The following SLC22A15 variants were observed in gnomAD, a reference collection of about 807,000 sequenced individuals.
The protein encoded by SLC22A15 is solute carrier family 22 member 15.
Under a neutral mutation model 62.7 loss-of-function variants are expected in SLC22A15, and 45 were observed. That is an observed-to-expected ratio of 0.72 (90% CI 0.56 to 0.92). SLC22A15 has a LOEUF of 0.92. Ranked by LOEUF, SLC22A15 falls within the 40% of genes least tolerant of loss-of-function variation. SLC22A15 has a pLI of 0.00. For synonymous variants in SLC22A15, 264 were observed against 267.0 expected, an observed-to-expected ratio of 0.99 and a Z score of 0.11; for missense variants, 622 against 665.6, an observed-to-expected ratio of 0.93 and a Z score of 0.72.
chr1:115,988,339 T>C (rs1557871668), intron 1 of SLC22A15, among the ~76,000 whole-genome samples: 1 of 152,066 alleles, frequency 6.6e-6, no homozygotes, highest in Non-Finnish European at 1.5e-5. Context: ...AGCGAATATT[T>C]TTGTTTTTTG....
At chr1:115,991,147 A>C (rs1655123884) in intron 1 of SLC22A15, among the ~76,000 whole-genome samples, 1 of 152,216 alleles carries the variant, frequency 6.6e-6, no homozygotes, top group Non-Finnish European at 1.5e-5. Flanking sequence ...AATAAATGTT[A>C]AACTTGAAAT....
rs149310554 is a variant in SLC22A15 at position 116,064,364 on chromosome 1, G to A, written c.1293-72G>A. On this transcript the variant is annotated intron_variant, in intron 9 of 11. Transcript: ENST00000369503. ...CTTCAGGACATGTTATTCAAGGCCC[G>A]CTGCTGCCCCCCAAGGGTCTCTTAA... 302 of 1,113,848 alleles carry A rather than the reference G, an allele frequency of 2.7e-4. 3 individuals are homozygous for A. In the African/African-American group the frequency reaches 3.6e-3, roughly 13 times the overall value. The allele number at this position is 1,113,848 out of a possible 1,614,324, so 69.0% of individuals were successfully genotyped here.
At chr1:115,989,673 C>T (rs944122624) in intron 1 of SLC22A15, among the ~76,000 whole-genome samples, 23 of 151,448 alleles carry the variant, frequency 1.5e-4, no homozygotes, top group Admixed American at 2.6e-4. Context: ...CCCAGCTACT[C>T]GGGAGGCCGA....
chr1:116,041,944 G>T (rs1657798847), intron 8 of SLC22A15, among the ~76,000 whole-genome samples: 1 of 149,868 alleles, frequency 6.7e-6, no homozygotes, highest in South Asian at 2.1e-4. Context: ...ACCCTGGTTT[G>T]TTTGTTTGTT....
At chr1:116,051,339 C>T (rs1038818299) in intron 8 of SLC22A15, among the ~76,000 whole-genome samples, 1 of 152,172 alleles carries the variant, frequency 6.6e-6, no homozygotes, top group African/African-American at 2.4e-5. Flanking sequence ...GTCACCAAAA[C>T]AGCATGATAG....
At chr1:116,002,205 T>A (rs1655777410) in intron 2 of SLC22A15, among the ~76,000 whole-genome samples, 2 of 152,162 alleles carry the variant, frequency 1.3e-5, no homozygotes, top group African/African-American at 2.4e-5. Context: ...ACAGCATCTC[T>A]CTCCATGCTG....
At position 116,035,320 on chromosome 1, in the gene SLC22A15, C is replaced by T. The variant is rs200269789; in HGVS notation, c.1078C>T (p.Gln360Ter). 39 of 1,610,026 alleles carry T rather than the reference C, an allele frequency of 2.4e-5. No homozygotes were observed. Among genetic ancestry groups the T allele is most frequent in the Non-Finnish European group, 3.0e-5 (35 of 1,178,438 alleles). The change falls in exon 7 of 12, where the codon CAA becomes TAA. Residue 360 changes from glutamine (Q) to a stop codon, truncating the protein, a stop_gained. Transcript: ENST00000369503. LOFTEE classifies it high-confidence loss of function. ...CCCTCTCTGTATCTACTTGATTAAC[C>T]AAAAATGGTGAGTAAGTGTGGATGA... is the stretch of plus-strand genomic sequence containing the variant. ...SYPLCIYLIN[Q>*]KWFGRKRTLS...
chr1:116,043,651 C>T (rs1050995063), intron 8 of SLC22A15, among the ~76,000 whole-genome samples: 5 of 151,906 alleles, frequency 3.3e-5, no homozygotes, highest in South Asian at 2.1e-4. Flanking sequence ...GCAAAAAAAT[C>T]AATGGAATGA....
rs1356131429 is a variant in SLC22A15 at position 116,062,799 on chromosome 1, G to T, written c.1209G>T (p.Leu403Phe). ...GVFAVVNSHS[L>F]SLLGKLTISA... ...TTGCAGTGGTGAACAGCCATTCCTT[G>T]TCCTTGCTGGGGAAGCTGACCATCA... The change falls in exon 9 of 12, where the codon TTG (leucine) becomes TTT (phenylalanine). Residue 403 changes from leucine to phenylalanine, a missense_variant. Leu to Phe is a conservative substitution (Grantham distance 22). Coordinates refer to ENST00000369503, the MANE Select transcript of SLC22A15 (RefSeq NM_018420.3). 6.2e-7 allele frequency: 1 copy of T among 1,613,922 alleles called. No individual in the cohort carries two copies. Among genetic ancestry groups the T allele is most frequent in the East Asian group, 2.2e-5 (1 of 44,870 alleles).
intron 1 of SLC22A15, among the ~76,000 whole-genome samples, chr1:115,990,860 C>T (rs1307967862): frequency 2.0e-5 from 3 of 152,136 alleles, no homozygotes; most frequent in South Asian, 2.1e-4. Flanking sequence ...TGGGTTCAAG[C>T]GATTCTCCTG....
intron 2 of SLC22A15, among the ~76,000 whole-genome samples, chr1:116,011,976 A>G (rs1218769857): frequency 6.6e-6 from 1 of 152,134 alleles, no homozygotes. Flanking sequence ...AGAGTCAGTC[A>G]CCTGCCCTGA....
At chr1:116,000,703 T>C (rs1013776270) in intron 2 of SLC22A15, among the ~76,000 whole-genome samples, 1 of 141,952 alleles carries the variant, frequency 7.0e-6, no homozygotes, top group Non-Finnish European at 1.5e-5. Flanking sequence ...TGATCCCGGC[T>C]CACTGCAAAC....
rs1015577940 is a variant in SLC22A15 at position 116,034,492 on chromosome 1, C to T, written c.945-695C>T. On this transcript the variant is annotated intron_variant, in intron 6 of 11. Transcript: ENST00000369503. ...AGGAGCTCCCTGTTTGTTTCAGGAACGGTGTACATAAATAAATTAATGGCT... is the reference window on the plus strand; with the variant it reads ...AGGAGCTCCCTGTTTGTTTCAGGAATGGTGTACATAAATAAATTAATGGCT... Among the ~76,000 whole-genome samples, 8 of 152,272 alleles carry T rather than the reference C, an allele frequency of 5.3e-5. No individual in the cohort carries two copies. In the South Asian group the frequency reaches 6.2e-4, roughly 12 times the overall value.
rs1014780295 is a variant in SLC22A15 at position 116,040,563 on chromosome 1, C to G, written c.1171+3175C>G. Among the ~76,000 whole-genome samples, 30 of 152,196 alleles carry G rather than the reference C, an allele frequency of 2.0e-4. 1 individual carries two copies. Among genetic ancestry groups the G allele is most frequent in the Admixed American group, 2.0e-3 (30 of 15,270 alleles). On this transcript the variant is annotated intron_variant, in intron 8 of 11. Transcript: ENST00000369503. ...TCCGGGATTCAGATTCTTTCCAACT[C>G]TAAAGTCAGTCCTCTTTTGGGTATG...
At chr1:116,035,365 G>T in intron 7 of SLC22A15, 38 bp downstream of exon 7, 5 of 1,572,936 alleles carry the variant, frequency 3.2e-6, no homozygotes, top group Non-Finnish European at 4.3e-6. Flanking sequence ...GCACCGTAGA[G>T]AATGCACACA....
intron 8 of SLC22A15, among the ~76,000 whole-genome samples, chr1:116,039,460 G>A (rs1657726887): frequency 6.6e-6 from 1 of 152,096 alleles, no homozygotes; most frequent in African/African-American, 2.4e-5. Context: ...TTGAACCCAG[G>A]AGCTGGAGGT....
chr1:115,986,211 T>C (rs1307702647), intron 1 of SLC22A15, among the ~76,000 whole-genome samples: 2 of 152,100 alleles, frequency 1.3e-5, no homozygotes, highest in African/African-American at 2.4e-5. Flanking sequence ...ATCTTTTTTT[T>C]TGGTTATACC....
intron 9 of SLC22A15, among the ~76,000 whole-genome samples, 187 bp downstream of exon 9, chr1:116,063,069 T>A (rs1186223756): frequency 1.3e-5 from 2 of 152,214 alleles, no homozygotes; most frequent in Non-Finnish European, 2.9e-5. Flanking sequence ...GCTAGGAAAA[T>A]GTCACTTTAT....
At chr1:116,031,974 G>T in intron 6 of SLC22A15, 2 of 1,063,500 alleles carry the variant, frequency 1.9e-6, no homozygotes, top group Non-Finnish European at 2.3e-6. Context: ...TTTGGCACTG[G>T]CATCAAGCAG....
Sources: allele counts gnomAD v4.1 joint callset (sites outside exome capture counted in the v4.1 genomes callset), GRCh38; gene constraint gnomAD v4.1.1; transcripts MANE v1.5; gene names NCBI Gene and HGNC (gene_info 2026-07-23, HGNC 2026-07-21).